Variants in JPH3 observed in about 807,000 individuals in gnomAD.
JPH3 encodes junctophilin 3, also known as junctophilin-3.
Under a neutral mutation model 59.6 loss-of-function variants are expected in JPH3, and 11 were observed. The observed-to-expected ratio is 0.18, with a 90% CI of 0.12 to 0.31. JPH3 has a LOEUF of 0.31. Among genes scored for constraint, JPH3 ranks in the 10% least tolerant of loss-of-function variants. The pLI is 1.00. For missense variants in JPH3, 1,202 were observed against 1,105.7 expected (o/e 1.09, Z -1.24); for synonymous variants, 673 against 483.6 (o/e 1.39, Z -5.14).
At chr16:87,655,965 A>T (rs750494468) in intron 2 of JPH3, among the ~76,000 whole-genome samples, 2 of 152,202 alleles carry the variant, frequency 1.3e-5, no homozygotes, top group East Asian at 3.8e-4. Context: ...CTCTGCATAG[A>T]TGTCCTGAGT....
At chr16:87,639,113 G>A (rs562566368) in intron 1 of JPH3, among the ~76,000 whole-genome samples, 17 of 152,294 alleles carry the variant, frequency 1.1e-4, no homozygotes, top group African/African-American at 4.1e-4. Flanking sequence ...GAAGAGAGGT[G>A]CAGGGCTTTT....
At chr16:87,664,215 C>CA (rs2032791015) in intron 2 of JPH3, among the ~76,000 whole-genome samples, 1 of 151,942 alleles carries the variant, frequency 6.6e-6, no homozygotes, top group Admixed American at 6.6e-5. Context: ...CCTGTAGTCC[C>CA]AGCTACATGG....
At chr16:87,668,559 G>A (rs986653239) in intron 2 of JPH3, among the ~76,000 whole-genome samples, 5 of 152,182 alleles carry the variant, frequency 3.3e-5, no homozygotes, top group Non-Finnish European at 7.3e-5. Flanking sequence ...TTCTATAAAT[G>A]GGAGAAAATC....
chr16:87,690,132 G>A lies in JPH3; in HGVS notation c.1772G>A (p.Ser591Asn), dbSNP rs1172302848. Residue 591 changes from serine (S) to asparagine (N), a missense_variant, in exon 4 of 5, where the codon AGC (serine) becomes AAC (asparagine). Physicochemically the swap from Ser to Asn is conservative, Grantham distance 46. Transcript: ENST00000284262. The part of the protein sequence containing the change: ...VFTWTSHHRA[S>N]NHSPGGSRLL... ...ACGTGGACTTCCCACCACCGGGCCA[G>A]CAACCACAGCCCCGGAGGCTCCAGG... The A allele has an allele frequency of 1.3e-6, 2 of 1,592,296 alleles. No homozygotes were observed. The highest frequency in any genetic ancestry group is 1.1e-5 in the South Asian group (1 of 87,942).
At chr16:87,680,309 G>A (rs1309646545) in intron 2 of JPH3, among the ~76,000 whole-genome samples, 2 of 151,854 alleles carry the variant, frequency 1.3e-5, no homozygotes, top group East Asian at 3.9e-4. Context: ...CTTCAGGACT[G>A]GTGACGATGG....
intron 3 of JPH3, among the ~76,000 whole-genome samples, chr16:87,688,367 G>A (rs896504851): frequency 4.6e-5 from 7 of 152,224 alleles, no homozygotes; most frequent in Admixed American, 2.6e-4. Flanking sequence ...GCGTCGCAGC[G>A]TGCCCCGAAT....
rs776960260 is a variant in JPH3, at chr16:87,689,703, C to T, written c.1343C>T (p.Ser448Phe). 5.0e-6 allele frequency: 8 copies of T among 1,612,494 alleles called. No individual in the cohort carries two copies. Among genetic ancestry groups the T allele is most frequent in the Non-Finnish European group, 6.8e-6 (8 of 1,179,776 alleles). Residue 448 changes from serine to phenylalanine, a missense_variant, in exon 4 of 5, where the codon TCC becomes TTC. Coordinates refer to ENST00000284262, the MANE Select transcript of JPH3 (RefSeq NM_020655.4). ...QTSCDDIEVL[S>F]TGTPLQQESP... ...TCCTGTGACGACATCGAGGTGCTGTCCACCGGGACACCCCTGCAGCAGGAG... is the reference window on the plus strand; with the variant it reads ...TCCTGTGACGACATCGAGGTGCTGTTCACCGGGACACCCCTGCAGCAGGAG...
intron 2 of JPH3, among the ~76,000 whole-genome samples, chr16:87,675,053 C>T (rs1245696185): frequency 5.3e-5 from 8 of 152,244 alleles, no homozygotes; most frequent in South Asian, 4.1e-4. Context: ...TGAGCCACAG[C>T]GCCTGGCCAA....
At chr16:87,615,020 C>T (rs1422020324) in intron 1 of JPH3, among the ~76,000 whole-genome samples, 4 of 125,126 alleles carry the variant, frequency 3.2e-5, no homozygotes, top group South Asian at 2.9e-4. Context: ...CCTGCACACA[C>T]GAGGAGCCGC....
chr16:87,687,294 C>A (rs543050390), intron 3 of JPH3, among the ~76,000 whole-genome samples: 1 of 152,262 alleles, frequency 6.6e-6, no homozygotes, highest in South Asian at 2.1e-4. Context: ...GTTGCCAGAG[C>A]GCTCAGGCAG....
At chr16:87,629,089 C>G (rs1397940348) in intron 1 of JPH3, among the ~76,000 whole-genome samples, 1 of 152,008 alleles carries the variant, frequency 6.6e-6, no homozygotes, top group Non-Finnish European at 1.5e-5. Flanking sequence ...AGGTCTCCAC[C>G]TCTTGTTGCT....
intron 2 of JPH3, among the ~76,000 whole-genome samples, chr16:87,645,827 C>T (rs1417441189): frequency 1.3e-5 from 2 of 152,122 alleles, no homozygotes; most frequent in Non-Finnish European, 2.9e-5. Flanking sequence ...GCAGGAGCCA[C>T]CTGCTGCAGG....
intron 2 of JPH3, among the ~76,000 whole-genome samples, chr16:87,667,816 TG>T (rs1394946679): frequency 2.6e-5 from 4 of 152,186 alleles, no homozygotes; most frequent in African/African-American, 9.7e-5. Context: ...TTGTTTGTTT[TG>T]TTTTGTTTTG....
At chr16:87,664,935 G>T (rs576115449) in intron 2 of JPH3, among the ~76,000 whole-genome samples, 5 of 152,188 alleles carry the variant, frequency 3.3e-5, no homozygotes, top group African/African-American at 1.2e-4. Context: ...CCTGCCCAGC[G>T]CATTTGCCTG....
chr16:87,668,892 TGTCCCGGAGGCC>T (rs147901967), intron 2 of JPH3, among the ~76,000 whole-genome samples: 8,957 of 152,208 alleles, frequency 0.059, 366 homozygotes, highest in Non-Finnish European at 0.089. Context: ...CCCCTCCGGC[TGTCCCGGAGGCC>T]GTGCTCCGTG....
chr16:87,620,701 C>T (rs114964396), intron 1 of JPH3, among the ~76,000 whole-genome samples: 2 of 152,322 alleles, frequency 1.3e-5, no homozygotes, highest in Non-Finnish European at 2.9e-5. Context: ...CCCTGTGAGG[C>T]GCTGTCCTCC....
At chr16:87,649,454 G>A (rs139965928) in intron 2 of JPH3, among the ~76,000 whole-genome samples, 68 of 152,324 alleles carry the variant, frequency 4.5e-4, no homozygotes, top group African/African-American at 1.6e-3. Flanking sequence ...CCTCCTCGAA[G>A]CCCGGGTTGC....
In JPH3 at chr16:87,696,736, G is replaced by T; in HGVS notation, c.*76G>T. ...AAAATTAAAAGCAAAACCACAAGAAGGGAAAGACCGCAACTCGGACAGCCC... is the reference window on the plus strand; with the variant it reads ...AAAATTAAAAGCAAAACCACAAGAATGGAAAGACCGCAACTCGGACAGCCC... On this transcript the variant is annotated 3_prime_UTR_variant, in exon 5 of 5. Transcript: ENST00000284262. The T allele has an allele frequency of 8.1e-7, 1 of 1,230,516 alleles. No individual in the cohort carries two copies. Among genetic ancestry groups the T allele is most frequent in the South Asian group, 1.2e-5 (1 of 82,184 alleles). The allele number at this position is 1,230,516 out of a possible 1,614,324, so 76.2% of individuals were successfully genotyped here. A position where few individuals can be genotyped will look rare whatever the true frequency, so the allele number is the denominator to read the frequency against.
In JPH3 at chr16:87,696,563, C is replaced by T. The variant is rs1460846107; in HGVS notation, c.2167-17C>T. The T allele has an allele frequency of 1.9e-6, 3 of 1,610,438 alleles. No individual in the cohort carries two copies. The highest frequency in any genetic ancestry group is 1.1e-5 in the South Asian group (1 of 91,036). ...CCCCGCAGCTGTCGCTCACCTCTTC[C>T]CCTCGCTCTCTTCCAGGGCTCAGCG... On this transcript the variant is annotated splice_polypyrimidine_tract_variant and intron_variant, in intron 4 of 4. Coordinates refer to ENST00000284262, the MANE Select transcript of JPH3 (RefSeq NM_020655.4).
Sources: gnomAD v4.1 joint callset for allele counts (sites outside exome capture counted in the v4.1 genomes callset) on GRCh38, gnomAD v4.1.1 for gene constraint, MANE v1.5 for transcripts, NCBI Gene and HGNC (gene_info 2026-07-23, HGNC 2026-07-21) for gene names.